Variants in LRRC4C observed in about 807,000 individuals in gnomAD.
LRRC4C encodes the protein leucine-rich repeat-containing protein 4C.
In LRRC4C, 5 loss-of-function variants were observed where a neutral mutation model predicts 33.6. That is an observed-to-expected ratio of 0.15 (90% confidence interval 0.08 to 0.31). The LOEUF is 0.31. LRRC4C is among the 10% of genes least tolerant of loss of function. The probability of loss-of-function intolerance (pLI) is 1.00; values close to 1 mark genes in which losing one functional copy is unlikely to be tolerated. For synonymous variants in LRRC4C, 329 were observed against 302.0 expected (o/e 1.09, Z -0.93); for missense variants, 560 against 796.7 (o/e 0.70, Z 3.58).
chr11:41,078,507 T>C (rs1485275021), intron 1 of LRRC4C, among the ~76,000 whole-genome samples: 2 of 152,190 alleles, frequency 1.3e-5, no homozygotes, highest in East Asian at 3.9e-4. Flanking sequence ...CTTACAATCA[T>C]AGCAGAAGGT....
chr11:41,307,997 C>G (rs977829294), intron 1 of LRRC4C, among the ~76,000 whole-genome samples: 11 of 152,066 alleles, frequency 7.2e-5, no homozygotes, highest in Non-Finnish European at 1.5e-4. Flanking sequence ...ATTGCATGAC[C>G]CTTAGGACCT....
chr11:40,393,603 C>T (rs1030848864), intron 3 of LRRC4C, among the ~76,000 whole-genome samples: 2 of 152,120 alleles, frequency 1.3e-5, no homozygotes, highest in African/African-American at 2.4e-5. Flanking sequence ...TACTTAACTT[C>T]GGAATATGTG....
At chr11:40,140,519 G>A (rs1469156403) in intron 6 of LRRC4C, among the ~76,000 whole-genome samples, 1 of 152,078 alleles carries the variant, frequency 6.6e-6, no homozygotes, top group Admixed American at 6.6e-5. Context: ...GTCATCTCTC[G>A]AGTCAAGCAG....
At chr11:40,313,902 C>G (rs1241229076) in intron 4 of LRRC4C, among the ~76,000 whole-genome samples, 6 of 151,922 alleles carry the variant, frequency 3.9e-5, no homozygotes, top group Non-Finnish European at 8.8e-5. Context: ...CGTGAGCCGC[C>G]GCGCCCGGCC....
intron 1 of LRRC4C, among the ~76,000 whole-genome samples, chr11:40,956,505 G>A (rs928672679): frequency 6.6e-6 from 1 of 151,732 alleles, no homozygotes; most frequent in Non-Finnish European, 1.5e-5. Flanking sequence ...GAGGTGATCA[G>A]TAAGTGGATC....
intron 1 of LRRC4C, among the ~76,000 whole-genome samples, chr11:41,106,094 A>C (rs1675580211): frequency 6.6e-6 from 1 of 152,084 alleles, no homozygotes; most frequent in Non-Finnish European, 1.5e-5. Context: ...TGGAGAGGTT[A>C]AGTTTCTTAT....
At chr11:41,291,426 CT>C (rs984273617) in intron 1 of LRRC4C, among the ~76,000 whole-genome samples, 4 of 152,078 alleles carry the variant, frequency 2.6e-5, no homozygotes, top group Non-Finnish European at 5.9e-5. Flanking sequence ...AATCTTCATA[CT>C]TTTGTCTATT....
At chr11:40,588,712 T>A (rs532485886) in intron 3 of LRRC4C, among the ~76,000 whole-genome samples, 7 of 152,326 alleles carry the variant, frequency 4.6e-5, no homozygotes, top group South Asian at 2.1e-4. Flanking sequence ...ACATCTTTAT[T>A]TCTGCCTTCA....
chr11:41,136,013 T>C (rs1055429254), intron 1 of LRRC4C, among the ~76,000 whole-genome samples: 2 of 152,274 alleles, frequency 1.3e-5, no homozygotes, highest in African/African-American at 2.4e-5. Flanking sequence ...TGTTCATCCA[T>C]CCAGCCATTC....
At chr11:41,006,370 C>T (rs960689075) in intron 1 of LRRC4C, among the ~76,000 whole-genome samples, 7 of 152,204 alleles carry the variant, frequency 4.6e-5, no homozygotes, top group African/African-American at 1.7e-4. Context: ...GTTGCAGAGT[C>T]TTACCCCAGT....
intron 1 of LRRC4C, among the ~76,000 whole-genome samples, chr11:41,073,295 T>C (rs1160673932): frequency 1.3e-5 from 2 of 151,812 alleles, no homozygotes; most frequent in East Asian, 3.9e-4. Context: ...AGAGATCACA[T>C]AATGAGAAAG....
At chr11:40,977,193 T>C (rs908816421) in intron 1 of LRRC4C, among the ~76,000 whole-genome samples, 8 of 152,110 alleles carry the variant, frequency 5.3e-5, no homozygotes, top group South Asian at 2.1e-4. Flanking sequence ...ATGGGATCGA[T>C]AGACTGTAAA....
In LRRC4C at chr11:40,532,391, T is replaced by A. The variant is rs780546117; in HGVS notation, c.-270+115751A>T. ...CTAAGGGCATTCAAATAATAATAATTATTATTATTGTAAATTCAATCTATA... is the reference window on the plus strand; with the variant it reads ...CTAAGGGCATTCAAATAATAATAATAATTATTATTGTAAATTCAATCTATA... On this transcript the variant is annotated intron_variant, in intron 3 of 6. Coordinates refer to ENST00000528697, the MANE Select transcript of LRRC4C (RefSeq NM_001258419.2). 7.2e-5 allele frequency among the ~76,000 whole-genome samples: 11 copies of A among 151,940 alleles called. No homozygotes were observed. In the East Asian group the frequency reaches 7.8e-4, roughly 11 times the overall value.
chr11:40,413,569 C>T (rs1950224266), intron 3 of LRRC4C, among the ~76,000 whole-genome samples: 1 of 152,228 alleles, frequency 6.6e-6, no homozygotes, highest in South Asian at 2.1e-4. Flanking sequence ...CCCTGTGGTG[C>T]TTCATATATT....
At chr11:40,544,509 T>C (rs1464976860) in intron 3 of LRRC4C, among the ~76,000 whole-genome samples, 1 of 152,084 alleles carries the variant, frequency 6.6e-6, no homozygotes, top group Non-Finnish European at 1.5e-5. Context: ...GCCCCTTACA[T>C]ATATGTAAAT....
chr11:40,917,634 G>C (rs1957016644), intron 2 of LRRC4C, among the ~76,000 whole-genome samples: 1 of 152,068 alleles, frequency 6.6e-6, no homozygotes, highest in East Asian at 1.9e-4. Context: ...CTGCCATTTA[G>C]TCACTATGTG....
At chr11:41,202,164 G>A (rs1289273829) in intron 1 of LRRC4C, among the ~76,000 whole-genome samples, 3 of 152,118 alleles carry the variant, frequency 2.0e-5, no homozygotes, top group Non-Finnish European at 4.4e-5. Flanking sequence ...AAACTAGACA[G>A]CACTAGTAGG....
At chr11:41,336,363 A>G (rs1951453037) in intron 1 of LRRC4C, among the ~76,000 whole-genome samples, 1 of 152,134 alleles carries the variant, frequency 6.6e-6, no homozygotes, top group African/African-American at 2.4e-5. Flanking sequence ...TGTTTAAAAA[A>G]AAGTGTATAT....
chr11:40,650,884 A>C (rs1055654035), intron 2 of LRRC4C, among the ~76,000 whole-genome samples: 3 of 152,142 alleles, frequency 2.0e-5, no homozygotes, highest in Non-Finnish European at 2.9e-5. Context: ...GTTCCCAAAA[A>C]TAGCCAGCCA....
Sources: allele counts gnomAD v4.1 joint callset (sites outside exome capture counted in the v4.1 genomes callset), GRCh38; gene constraint gnomAD v4.1.1; transcripts MANE v1.5; gene names NCBI Gene and HGNC (gene_info 2026-07-23, HGNC 2026-07-21).